Variants in FARP1 observed in about 807,000 individuals in gnomAD.
FARP1 encodes the protein FERM, ARHGEF and pleckstrin domain-containing protein 1.
In FARP1, 52 loss-of-function variants were observed where a neutral mutation model predicts 128.8. The ratio of observed to expected loss-of-function variants is 0.40; its 90% confidence interval spans 0.32 to 0.51. The LOEUF (loss-of-function observed/expected upper bound fraction) is 0.51. Ranked by LOEUF, FARP1 falls within the 20% of genes least tolerant of loss-of-function variation. The pLI is 0.45. For synonymous variants in FARP1, 580 were observed against 551.8 expected (o/e 1.05, Z -0.72); for missense variants, 1,333 against 1,367.9 (o/e 0.97, Z 0.40).
chr13:98,176,296 A>G lies in FARP1; in HGVS notation c.-24+32804A>G. 3 of 1,612,598 alleles carry G rather than the reference A, an allele frequency of 1.9e-6. No individual in the cohort carries two copies. Among genetic ancestry groups the G allele is most frequent in the Non-Finnish European group, 2.5e-6 (3 of 1,178,842 alleles). On this transcript the variant is annotated intron_variant, in intron 1 of 26. Transcript: ENST00000319562. This position sits in a 1 kb window ranked among gnomAD's most constrained non-coding sequence, Gnocchi z 6.2. ...CTTGCCCCCACCTTCTGCAGCCTGAAGCTTTTGCAGTTTCGCCATCAGTTC... is the reference window on the plus strand; with the variant it reads ...CTTGCCCCCACCTTCTGCAGCCTGAGGCTTTTGCAGTTTCGCCATCAGTTC...
intron 6 of FARP1, among the ~76,000 whole-genome samples, chr13:98,383,103 A>T (rs1214646747): frequency 1.3e-5 from 2 of 152,230 alleles, no homozygotes; most frequent in Non-Finnish European, 2.9e-5. Context: ...AGGAGAAATG[A>T]TTCAGGAATG....
At chr13:98,170,477 C>T (rs1566692340) in intron 1 of FARP1, among the ~76,000 whole-genome samples, 1 of 152,224 alleles carries the variant, frequency 6.6e-6, no homozygotes, top group Admixed American at 6.5e-5. Flanking sequence ...CTGCCTCGAC[C>T]TCCTGAGTAG....
intron 18 of FARP1, chr13:98,433,007 TAGG>T (rs1231096779): frequency 6.6e-6 from 1 of 152,324 alleles, no homozygotes; most frequent in Non-Finnish European, 1.5e-5. Context: ...AACATGTAAA[TAGG>T]AGTTTTCCTG....
At chr13:98,321,645 C>T (rs1886996479) in intron 2 of FARP1, among the ~76,000 whole-genome samples, 1 of 152,190 alleles carries the variant, frequency 6.6e-6, no homozygotes, top group Admixed American at 6.5e-5. Context: ...GACAAATTAC[C>T]TGTGCGTGCT....
chr13:98,309,908 G>T (rs557192900), intron 2 of FARP1, among the ~76,000 whole-genome samples: 71 of 152,224 alleles, frequency 4.7e-4, no homozygotes, highest in African/African-American at 1.7e-3. Context: ...AATATATTCC[G>T]CATCTGTAAT....
At chr13:98,436,636 G>T (rs1299182755) in intron 19 of FARP1, among the ~76,000 whole-genome samples, 1 of 152,180 alleles carries the variant, frequency 6.6e-6, no homozygotes. Context: ...GAGCATTTCT[G>T]TCAGGAAGCC....
intron 1 of FARP1, among the ~76,000 whole-genome samples, chr13:98,158,049 A>G (rs2064037979): frequency 6.6e-6 from 1 of 152,216 alleles, no homozygotes; most frequent in South Asian, 2.1e-4. Context: ...TTTGCTTAAA[A>G]TTCTATGCAT....
intron 1 of FARP1, among the ~76,000 whole-genome samples, chr13:98,184,316 C>T (rs1178492065): frequency 6.6e-6 from 1 of 152,098 alleles, no homozygotes; most frequent in Non-Finnish European, 1.5e-5. Flanking sequence ...TGGGGTTTCA[C>T]CGTGTTGGCC....
rs1218659255 is a variant in FARP1, at chr13:98,213,211, T to G, written c.-23-9T>G. On this transcript the variant is annotated splice_polypyrimidine_tract_variant and intron_variant, in intron 1 of 26. Transcript: ENST00000319562. ...CTGATGTGTTTTTCTTTCTCACTGC[T>G]TCCTGCAGATATTCTCTAAGCCGCT... is the stretch of plus-strand genomic sequence containing the variant. 6.2e-7 allele frequency: 1 copy of G among 1,600,956 alleles called. No homozygotes were observed. The highest frequency in any genetic ancestry group is 1.3e-5 in the African/African-American group (1 of 74,136).
chr13:98,448,340 C>T lies in FARP1; in HGVS notation c.*23C>T. ...TGATGGCCGGACACACTCGTTTCCG[C>T]AGTGGCTGCTTTCCTGGAAGACGTT... On this transcript the variant is annotated 3_prime_UTR_variant, in exon 27 of 27. Coordinates refer to ENST00000319562, the MANE Select transcript of FARP1 (RefSeq NM_005766.4). The T allele has an allele frequency of 6.5e-7, 1 of 1,545,722 alleles. No individual in the cohort carries two copies. The highest frequency in any genetic ancestry group is 8.9e-7 in the Non-Finnish European group (1 of 1,117,502).
intron 2 of FARP1, among the ~76,000 whole-genome samples, chr13:98,214,059 G>A (rs1214474441): frequency 6.6e-6 from 1 of 152,162 alleles, no homozygotes; most frequent in Non-Finnish European, 1.5e-5. Context: ...GGCCGGAGGT[G>A]TCACAGGAGG....
intron 2 of FARP1, among the ~76,000 whole-genome samples, chr13:98,322,477 G>A (rs561281282): frequency 3.4e-4 from 52 of 152,262 alleles, no homozygotes; most frequent in Admixed American, 9.8e-4. Flanking sequence ...GGGAGCACTG[G>A]GATTTGGACT....
chr13:98,432,674 A>G (rs763431985), intron 18 of FARP1: 8 of 152,258 alleles, frequency 5.3e-5, no homozygotes, highest in Admixed American at 2.0e-4. Flanking sequence ...CCTTGGCTTA[A>G]AACCTGGGTG....
chr13:98,345,797 T>A (rs1357513762), intron 3 of FARP1, among the ~76,000 whole-genome samples: 7 of 152,224 alleles, frequency 4.6e-5, no homozygotes, highest in African/African-American at 1.4e-4. Context: ...CTGCTGCAAC[T>A]ATTTGAATCT....
At chr13:98,382,640 T>A (rs1016194602) in intron 6 of FARP1, 3 of 152,202 alleles carry the variant, frequency 2.0e-5, no homozygotes, top group African/African-American at 7.2e-5. Context: ...TCAACACTCA[T>A]GCGCTTTCAC....
chr13:98,309,096 A>G (rs1052322157), intron 2 of FARP1, among the ~76,000 whole-genome samples: 2 of 149,242 alleles, frequency 1.3e-5, no homozygotes, highest in Non-Finnish European at 3.0e-5. Context: ...TGTTAAAGTG[A>G]TAATATTTTG....
At chr13:98,438,538 A>G (rs549198388) in intron 19 of FARP1, among the ~76,000 whole-genome samples, 1 of 152,240 alleles carries the variant, frequency 6.6e-6, no homozygotes, top group African/African-American at 2.4e-5. Context: ...GAGGAGACAG[A>G]TGATCCCTAG....
intron 2 of FARP1, among the ~76,000 whole-genome samples, chr13:98,253,466 G>A (rs1243449941): frequency 6.6e-6 from 1 of 152,118 alleles, no homozygotes; most frequent in East Asian, 1.9e-4. Context: ...AGACTTTGAT[G>A]TGAGACAAAA....
chr13:98,435,733 C>G (rs1353645032), intron 19 of FARP1, 27 bp downstream of exon 19: 1 of 1,612,220 alleles, frequency 6.2e-7, no homozygotes, highest in Non-Finnish European at 8.5e-7. Context: ...TCACTATGCA[C>G]TGCGCGGGGA....
Sources: gnomAD v4.1 joint callset for allele counts (sites outside exome capture counted in the v4.1 genomes callset) on GRCh38, gnomAD v4.1.1 for gene constraint, Gnocchi (gnomAD v3.1) non-coding constraint, MANE v1.5 for transcripts, NCBI Gene and HGNC (gene_info 2026-07-23, HGNC 2026-07-21) for gene names.